The following TESPA1 variants were observed in gnomAD, a reference collection of about 807,000 sequenced individuals.
The protein encoded by TESPA1 is thymocyte expressed, positive selection associated 1, also known as protein TESPA1.
TESPA1 carries 33 observed loss-of-function variants against 57.9 expected under a neutral mutation model. The observed-to-expected ratio is 0.57, with a 90% CI of 0.43 to 0.76. TESPA1 has a LOEUF of 0.76. Ranked by LOEUF, TESPA1 falls within the 30% of genes least tolerant of loss-of-function variation. TESPA1 has a pLI of 0.00. For missense variants in TESPA1, 618 were observed against 632.9 expected (o/e 0.98, Z 0.25); for synonymous variants, 227 against 228.9 (o/e 0.99, Z 0.07).
At chr12:54,983,497 G>A (rs1025172424) in intron 1 of TESPA1, among the ~76,000 whole-genome samples, 3 of 151,980 alleles carry the variant, frequency 2.0e-5, no homozygotes, top group African/African-American at 7.3e-5. Context: ...GGACACACAA[G>A]TTGAAGGTTC....
intron 8 of TESPA1, 46 bp from the exon 9 acceptor site, chr12:54,963,288 ATCT>A (rs1951205753): frequency 7.2e-6 from 11 of 1,526,074 alleles, no homozygotes; most frequent in Non-Finnish European, 9.7e-6. Context: ...TCATCAGCAA[ATCT>A]TCTTAAATCT....
At chr12:54,957,233 C>T (rs1474073280) in intron 10 of TESPA1, among the ~76,000 whole-genome samples, 2 of 152,150 alleles carry the variant, frequency 1.3e-5, no homozygotes, top group Non-Finnish European at 2.9e-5. Flanking sequence ...CTGGGCAATG[C>T]ATGGGCTGCA....
chr12:54,966,870 G>A (rs1296080079), intron 5 of TESPA1, among the ~76,000 whole-genome samples: 2 of 152,126 alleles, frequency 1.3e-5, no homozygotes, highest in African/African-American at 4.8e-5. Flanking sequence ...TGGAGTTTCT[G>A]TACAGAAAAC....
At chr12:54,968,522 G>T (rs1297732471) in intron 3 of TESPA1, among the ~76,000 whole-genome samples, 1 of 152,206 alleles carries the variant, frequency 6.6e-6, no homozygotes, top group African/African-American at 2.4e-5. Context: ...AAACAAGGAA[G>T]AAATTCTCTC....
At chr12:54,975,301 C>T (rs969891091) in intron 1 of TESPA1, among the ~76,000 whole-genome samples, 1 of 152,118 alleles carries the variant, frequency 6.6e-6, no homozygotes, top group African/African-American at 2.4e-5. Context: ...TCTAATTTGT[C>T]AACTTGTGCT....
chr12:54,975,298 T>C (rs1474801921), intron 1 of TESPA1, among the ~76,000 whole-genome samples: 3 of 152,182 alleles, frequency 2.0e-5, no homozygotes, highest in African/African-American at 7.2e-5. Flanking sequence ...CTTTCTAATT[T>C]GTCAACTTGT....
chr12:54,962,753 A>C lies in TESPA1; in HGVS notation c.1145T>G (p.Leu382Arg), dbSNP rs1249847944. 1.2e-6 allele frequency: 2 copies of C among 1,613,878 alleles called. No homozygotes were observed. The highest frequency in any genetic ancestry group is 1.7e-6 in the Non-Finnish European group (2 of 1,179,878). ...MSTVLAPSQT[L>R]DSNPKVPCCT... ...ACAGGGTACCTTGGGGTTCGAATCC[A>C]GAGTTTGGGATGGTGCTAGCACTGT... is the stretch of plus-strand genomic sequence containing the variant. Residue 382 changes from leucine (L) to arginine (R), a missense_variant, in exon 9 of 11, where the codon CTG becomes CGG. Physicochemically the swap from Leu to Arg is moderately radical, Grantham distance 102. Around this residue, in one of 3 missense-constraint regions of TESPA1, gnomAD observed 409 missense variants for 420.1 expected, o/e 0.97. Coordinates refer to ENST00000449076, the MANE Select transcript of TESPA1 (RefSeq NM_001136030.3).
chr12:54,962,349 C>T (rs1430209473), intron 9 of TESPA1, 82 bp downstream of exon 9: 2 of 1,448,696 alleles, frequency 1.4e-6, no homozygotes, highest in African/African-American at 1.4e-5. Flanking sequence ...ATTTTTCCCC[C>T]AAGGGTTCTA....
Position 54,974,480 on chromosome 12 carries a change from A to T in TESPA1, c.83T>A (p.Val28Asp). ...GGCGGCGGCAGCCTCCTCTTCTAGG[A>T]CCTGGGTCTGCCAGTTACGGCTCTG... The part of the protein sequence containing the change: ...LRQSRNWQTQ[V>D]LEEEAAAALQ... The change falls in exon 2 of 11, where the codon GTC becomes GAC. Residue 28 changes from valine (V) to aspartate (D), a missense_variant. This residue lies in a region of TESPA1 where 199 missense variants were observed against 184.0 expected (regional missense o/e 1.08). Coordinates refer to ENST00000449076, the MANE Select transcript of TESPA1 (RefSeq NM_001136030.3). 1 of 1,605,984 alleles carries T rather than the reference A, an allele frequency of 6.2e-7. No homozygotes were observed. The highest frequency in any genetic ancestry group is 8.5e-7 in the Non-Finnish European group (1 of 1,176,298).
rs1025464191 is a variant in TESPA1 at position 54,948,768 on chromosome 12, C to A, written c.*1624G>T. 3.3e-5 allele frequency: 5 copies of A among 152,296 alleles called. No homozygotes were observed. The highest frequency in any genetic ancestry group is 1.2e-4 in the African/African-American group (5 of 41,436). 9.4% of individuals were successfully genotyped at this position (152,296 alleles called of 1,614,324 possible). A position where few individuals can be genotyped will look rare whatever the true frequency, so the allele number is the denominator to read the frequency against. On this transcript the variant is annotated 3_prime_UTR_variant, in exon 11 of 11. Coordinates refer to ENST00000449076, the MANE Select transcript of TESPA1 (RefSeq NM_001136030.3). Reference sequence around the variant, plus strand: ...ATAGCAGTGTGAGAATGGACTAATACAGTTCTTTAAATGAAATATTGTCAG... The same window carrying A: ...ATAGCAGTGTGAGAATGGACTAATAAAGTTCTTTAAATGAAATATTGTCAG...
rs1251121115 is a variant in TESPA1, at chr12:54,963,204, C to A, written c.694G>T (p.Asp232Tyr). Residue 232 changes from aspartate (D) to tyrosine (Y), a missense_variant, in exon 9 of 11, where the codon GAT (aspartate) becomes TAT (tyrosine). Around this residue, in one of 3 missense-constraint regions of TESPA1, gnomAD observed 409 missense variants for 420.1 expected, o/e 0.97. Transcript: ENST00000449076. Reference sequence around the variant, plus strand: ...TAGGAGTAGAGACAGAAGAAGGCATCAGCAGTGACAGCCAGTGTTTGCACC... The same window carrying A: ...TAGGAGTAGAGACAGAAGAAGGCATAAGCAGTGACAGCCAGTGTTTGCACC... ...KQVQTLAVTA[D>Y]AFFCLYSYVS... 1 of 1,613,472 alleles carries A rather than the reference C, an allele frequency of 6.2e-7. No individual in the cohort carries two copies. The highest frequency in any genetic ancestry group is 8.5e-7 in the Non-Finnish European group (1 of 1,179,722).
chr12:54,958,821 C>T (rs11171195), intron 10 of TESPA1, among the ~76,000 whole-genome samples: 20,861 of 152,108 alleles, frequency 0.14, 2,718 homozygotes, highest in East Asian at 0.65. Flanking sequence ...AAAGGCATTC[C>T]TCATTTCTGT....
At chr12:54,983,205 C>T (rs569115399) in intron 1 of TESPA1, among the ~76,000 whole-genome samples, 1 of 152,220 alleles carries the variant, frequency 6.6e-6, no homozygotes, top group South Asian at 2.1e-4. Flanking sequence ...TCGCAGGGTT[C>T]CATCTTAATT....
chr12:54,970,652 C>T (rs1378019005), intron 3 of TESPA1, among the ~76,000 whole-genome samples: 1 of 152,138 alleles, frequency 6.6e-6, no homozygotes, highest in African/African-American at 2.4e-5. Context: ...ATCGGATAGG[C>T]CATAAAATCA....
chr12:54,958,489 C>T (rs549573079), intron 10 of TESPA1, among the ~76,000 whole-genome samples: 70 of 141,828 alleles, frequency 4.9e-4, no homozygotes, highest in African/African-American at 9.0e-4. Context: ...TAGATTTTTG[C>T]GTTTTTTTGT....
chr12:54,960,499 T>C (rs1301463441), intron 10 of TESPA1, among the ~76,000 whole-genome samples: 1 of 152,220 alleles, frequency 6.6e-6, no homozygotes, highest in African/African-American at 2.4e-5. Context: ...TTGAGGAGTC[T>C]GCTCTGAGTT....
At position 54,950,211 on chromosome 12, in the gene TESPA1, G is replaced by A; in HGVS notation, c.*181C>T. ...TAGGATGTGGATTCCAAATCGCTCA[G>A]TCTGGTCTTCCTCCCCATGTACCAT... is the stretch of plus-strand genomic sequence containing the variant. On this transcript the variant is annotated 3_prime_UTR_variant, in exon 11 of 11. Transcript: ENST00000449076. 2.2e-6 allele frequency: 1 copy of A among 454,610 alleles called. No homozygotes were observed. Among genetic ancestry groups the A allele is most frequent in the Non-Finnish European group, 4.4e-6 (1 of 226,500 alleles). 28.2% of individuals were successfully genotyped at this position (454,610 alleles called of 1,614,324 possible).
chr12:54,980,493 G>C (rs796845733), intron 1 of TESPA1, among the ~76,000 whole-genome samples: 13 of 152,340 alleles, frequency 8.5e-5, no homozygotes, highest in African/African-American at 2.4e-4. Context: ...GGGCACCACA[G>C]AGCAATGAGA....
rs911243864 is a variant in TESPA1 at position 54,963,834 on chromosome 12, G to A, written c.563C>T (p.Thr188Ile). The A allele has an allele frequency of 6.2e-7, 1 of 1,613,982 alleles. No individual in the cohort carries two copies. The highest frequency in any genetic ancestry group is 8.5e-7 in the Non-Finnish European group (1 of 1,179,874). ...ATCAATGCCCTTGGCCTGAGAGGGG[G>A]TGGTGAAAAATCGGGCGGGTATCCG... ...TSRIPARFFTTPSQAKGIDFQ... is the reference protein window; with the variant it reads ...TSRIPARFFTIPSQAKGIDFQ... Residue 188 changes from threonine to isoleucine, a missense_variant, in exon 8 of 11, where the codon ACC becomes ATC. By Grantham distance (89) the Thr-to-Ile change is moderately conservative. Transcript: ENST00000449076.
Sources: allele counts gnomAD v4.1 joint callset (sites outside exome capture counted in the v4.1 genomes callset), GRCh38; gene constraint gnomAD v4.1.1; regional missense constraint gnomAD v4.1.1; transcripts MANE v1.5; gene names NCBI Gene and HGNC (gene_info 2026-07-23, HGNC 2026-07-21).